The following PCDHGB4 variants were observed in gnomAD, a reference collection of about 807,000 sequenced individuals.
PCDHGB4 encodes protocadherin gamma subfamily B, 4, also known as protocadherin gamma-B4.
A neutral mutation model predicts 60.5 loss-of-function variants in PCDHGB4; 38 were observed. The observed-to-expected ratio is 0.63, with a 90% CI of 0.48 to 0.82. The LOEUF is 0.82. Ranked by LOEUF, PCDHGB4 falls within the 40% of genes least tolerant of loss-of-function variation. The pLI is 0.00. For synonymous variants in PCDHGB4, 456 were observed against 509.7 expected, an observed-to-expected ratio of 0.89 and a Z score of 1.42; for missense variants, 1,109 against 1,209.6, an observed-to-expected ratio of 0.92 and a Z score of 1.23.
intron 1 of PCDHGB4, among the ~76,000 whole-genome samples, chr5:141,438,396 A>T (rs1026490705): frequency 6.6e-6 from 1 of 150,930 alleles, no homozygotes. Context: ...TTCATCATTA[A>T]CTCTCTGAAG....
chr5:141,409,293 T>G, intron 1 of PCDHGB4: 1 of 1,613,992 alleles, frequency 6.2e-7, no homozygotes, highest in Non-Finnish European at 8.5e-7. Flanking sequence ...CCTCCAGGAA[T>G]GGTTGTTGCC....
rs770685748 is a variant in PCDHGB4 at position 141,486,601 on chromosome 5, C to T, written c.2398-8206C>T. 9 of 1,613,558 alleles carry T rather than the reference C, an allele frequency of 5.6e-6. No homozygotes were observed. The highest frequency in any genetic ancestry group is 7.6e-6 in the Non-Finnish European group (9 of 1,180,024). On this transcript the variant is annotated intron_variant, in intron 1 of 3. Transcript: ENST00000519479. This position sits in a 1 kb window ranked among gnomAD's most constrained non-coding sequence, Gnocchi z 5.0. ...ATCGCCCAGGGGACCTGCTTTGCTC[C>T]CTTGCAGCCTCTGACCCAGACTCTG...
chr5:141,429,379 T>G (rs573911129), intron 1 of PCDHGB4, among the ~76,000 whole-genome samples: 5 of 151,382 alleles, frequency 3.3e-5, no homozygotes, highest in East Asian at 1.9e-4. Context: ...GAAAATGTGT[T>G]TTTTTTTTAA....
At chr5:141,450,587 A>G (rs1396203849) in intron 1 of PCDHGB4, among the ~76,000 whole-genome samples, 1 of 151,720 alleles carries the variant, frequency 6.6e-6, no homozygotes, top group East Asian at 1.9e-4. Flanking sequence ...CCCAGGTTCA[A>G]GCAATTCTCC....
chr5:141,502,578 T>C (rs2099815145), intron 2 of PCDHGB4, among the ~76,000 whole-genome samples: 1 of 152,198 alleles, frequency 6.6e-6, no homozygotes, highest in African/African-American at 2.4e-5. Context: ...TATAAAAATA[T>C]ATTTTTATAA....
chr5:141,458,597 T>C (rs940896214), intron 1 of PCDHGB4, among the ~76,000 whole-genome samples: 18 of 151,988 alleles, frequency 1.2e-4, no homozygotes, highest in Non-Finnish European at 2.4e-4. Context: ...TGGAGACGAG[T>C]CTCACTCTGT....
chr5:141,405,856 C>T (rs1340012897), intron 1 of PCDHGB4, among the ~76,000 whole-genome samples: 1 of 152,096 alleles, frequency 6.6e-6, no homozygotes, highest in Non-Finnish European at 1.5e-5. Flanking sequence ...GTGTGTTTCT[C>T]ATCACTTTTC....
chr5:141,393,684 T>A, intron 1 of PCDHGB4: 1 of 1,613,904 alleles, frequency 6.2e-7, no homozygotes, highest in Non-Finnish European at 8.5e-7. Flanking sequence ...ACAAACTCCG[T>A]TATTCCAGCT....
intron 1 of PCDHGB4, chr5:141,410,442 C>G (rs1444532577): frequency 6.2e-7 from 1 of 1,613,942 alleles, no homozygotes; most frequent in Admixed American, 1.7e-5. Context: ...AGTGAGGGGA[C>G]TTTGCCTTAT....
At chr5:141,461,924 A>C (rs930104571) in intron 1 of PCDHGB4, among the ~76,000 whole-genome samples, 1 of 152,100 alleles carries the variant, frequency 6.6e-6, no homozygotes, top group East Asian at 1.9e-4. Context: ...CCTGGGTTCC[A>C]GCAATTCTCC....
chr5:141,412,209 T>G (rs917646798), intron 1 of PCDHGB4: 2 of 152,248 alleles, frequency 1.3e-5, no homozygotes. Flanking sequence ...TCATTTGACA[T>G]AAACACTTAC....
chr5:141,477,295 G>A lies in PCDHGB4; in HGVS notation c.2398-17512G>A, dbSNP rs1207558247. On this transcript the variant is annotated intron_variant, in intron 1 of 3. Transcript: ENST00000519479. This position sits in a 1 kb window ranked among gnomAD's most constrained non-coding sequence, Gnocchi z 4.9. ...GGCTGGTGACCTGCGAAGTTCCACC[G>A]GGTCTCCCTTTCAGCCTTACTTCTT... is the stretch of plus-strand genomic sequence containing the variant. The A allele has an allele frequency of 8.1e-6, 13 of 1,613,990 alleles. No homozygotes were observed. Among genetic ancestry groups the A allele is most frequent in the Admixed American group, 3.3e-5 (2 of 59,990 alleles).
At chr5:141,480,514 C>A (rs1015316945) in intron 1 of PCDHGB4, among the ~76,000 whole-genome samples, 2 of 127,196 alleles carry the variant, frequency 1.6e-5, no homozygotes, top group African/African-American at 7.3e-5. Flanking sequence ...TGAGAACAAC[C>A]AAAAATGACA....
intron 1 of PCDHGB4, among the ~76,000 whole-genome samples, chr5:141,461,004 T>C (rs2099006736): frequency 6.6e-6 from 1 of 151,664 alleles, no homozygotes; most frequent in Non-Finnish European, 1.5e-5. Context: ...TATGTGTATA[T>C]ATATATACCA....
At chr5:141,433,358 C>CCTATCTATCTAT (rs3074541) in intron 1 of PCDHGB4, 6,701 of 503,954 alleles carry the variant, frequency 0.013, 75 homozygotes, top group East Asian at 0.016. Context: ...CTACTGTCTG[C>CCTATCTATCTAT]CTATCTATCT....
chr5:141,445,623 A>G (rs2098472971), intron 1 of PCDHGB4, among the ~76,000 whole-genome samples: 1 of 152,172 alleles, frequency 6.6e-6, no homozygotes, highest in South Asian at 2.1e-4. Flanking sequence ...TTTTTTTCGG[A>G]AAGTGATATT....
chr5:141,420,188 A>G (rs775537913), intron 1 of PCDHGB4: 1 of 1,613,848 alleles, frequency 6.2e-7, no homozygotes, highest in South Asian at 1.1e-5. Context: ...TTGTCCAGCC[A>G]CACAAGATAA....
chr5:141,410,189 G>T, intron 1 of PCDHGB4: 1 of 1,613,992 alleles, frequency 6.2e-7, no homozygotes, highest in Non-Finnish European at 8.5e-7. Flanking sequence ...GCTTCATCTG[G>T]TCTTCGCAGA....
chr5:141,448,323 A>G (rs2098582223), intron 1 of PCDHGB4, among the ~76,000 whole-genome samples: 1 of 152,080 alleles, frequency 6.6e-6, no homozygotes, highest in Non-Finnish European at 1.5e-5. Flanking sequence ...TTTTCTTTGA[A>G]TCTTTATAGC....
Sources: allele counts gnomAD v4.1 joint callset (sites outside exome capture counted in the v4.1 genomes callset), GRCh38; gene constraint gnomAD v4.1.1; non-coding constraint Gnocchi (gnomAD v3.1); transcripts MANE v1.5; gene names NCBI Gene and HGNC (gene_info 2026-07-23, HGNC 2026-07-21).